DAW1: variants seen among roughly 807,000 people sequenced by gnomAD.
The protein encoded by DAW1 is dynein assembly factor with WD repeat domains 1.
A neutral mutation model predicts 56.5 loss-of-function variants in DAW1; 47 were observed. The observed-to-expected ratio is 0.83, with a 90% CI of 0.66 to 1.06. The LOEUF (loss-of-function observed/expected upper bound fraction) is 1.06, where lower values mean the gene tolerates loss of function less well. Among genes scored for constraint, DAW1 ranks in the 50% least tolerant of loss-of-function variants. DAW1 has a pLI of 0.00. For synonymous variants in DAW1, 190 were observed against 179.0 expected (o/e 1.06, Z -0.49); for missense variants, 505 against 499.3 (o/e 1.01, Z -0.11).
Position 227,917,112 on chromosome 2 carries a change from G to GTATCTATCTATC in DAW1, c.974-1646_974-1635dup, listed in dbSNP as rs57043132. On this transcript the variant is annotated intron_variant, in intron 10 of 12. Coordinates refer to ENST00000309931, the MANE Select transcript of DAW1 (RefSeq NM_178821.3). ...GTCTCCCTCATGACCATGCATGACA[G>GTATCTATCTATC]TATCTATCTATCTATCTATCTATCT... is the stretch of plus-strand genomic sequence containing the variant. Among the ~76,000 whole-genome samples, 778 of 148,472 alleles carry GTATCTATCTATC rather than the reference G, an allele frequency of 5.2e-3. 4 individuals are homozygous for GTATCTATCTATC. Among genetic ancestry groups the GTATCTATCTATC allele is most frequent in the Middle Eastern group, 6.9e-3 (2 of 288 alleles).
At chr2:227,898,008 G>A (rs1463515489) in intron 5 of DAW1, among the ~76,000 whole-genome samples, 174 bp from the exon 6 acceptor site, 4 of 151,658 alleles carry the variant, frequency 2.6e-5, no homozygotes, top group Non-Finnish European at 5.9e-5. Flanking sequence ...TGTGTAAATC[G>A]ATACCACTCA....
intron 11 of DAW1, among the ~76,000 whole-genome samples, chr2:227,919,642 C>T (rs1574675346): frequency 1.3e-5 from 2 of 152,014 alleles, no homozygotes; most frequent in African/African-American, 4.8e-5. Context: ...AACTACAAAG[C>T]TGTGTTTTAG....
At position 227,921,845 on chromosome 2, in the gene DAW1, C is replaced by T. The variant is rs111310940; in HGVS notation, c.1213+284C>T. Among the ~76,000 whole-genome samples, 1,051 of 152,208 alleles carry T rather than the reference C, an allele frequency of 6.9e-3. 17 individuals are homozygous for T. The highest frequency in any genetic ancestry group is 0.024 in the African/African-American group (1,006 of 41,522). ...CTGCCTTACAGGTTACTAAATTTCC[C>T]CAGGTGTTTTCTATCAATTGAATGG... On this transcript the variant is annotated intron_variant, in intron 12 of 12. Transcript: ENST00000309931.
At chr2:227,883,053 A>G (rs1295710515) in intron 1 of DAW1, among the ~76,000 whole-genome samples, 2 of 152,164 alleles carry the variant, frequency 1.3e-5, no homozygotes, top group African/African-American at 4.8e-5. Flanking sequence ...AGATGAACCA[A>G]CTTTTTTTCA....
intron 2 of DAW1, 105 bp downstream of exon 2, chr2:227,885,528 A>T: frequency 2.6e-6 from 2 of 772,358 alleles, no homozygotes; most frequent in Non-Finnish European, 3.9e-6. Context: ...ATTATGTTTT[A>T]AAAATTGTTC....
chr2:227,917,100 C>G (rs1691967648), intron 10 of DAW1, among the ~76,000 whole-genome samples: 1 of 151,256 alleles, frequency 6.6e-6, no homozygotes, highest in Non-Finnish European at 1.5e-5. Context: ...TCCCTCATGA[C>G]CATGCATGAC....
intron 9 of DAW1, 57 bp from the exon 10 acceptor site, chr2:227,907,081 A>G: frequency 7.6e-7 from 1 of 1,322,050 alleles, no homozygotes; most frequent in Non-Finnish European, 1.1e-6. Context: ...CCATCTTCAC[A>G]CTTCAGACAG....
At chr2:227,900,622 A>G (rs867809239) in intron 6 of DAW1, among the ~76,000 whole-genome samples, 1 of 152,196 alleles carries the variant, frequency 6.6e-6, no homozygotes, top group African/African-American at 2.4e-5. Context: ...CATTCCAGGC[A>G]GACCGAGCAG....
At chr2:227,922,140 A>G (rs1692124705) in intron 12 of DAW1, among the ~76,000 whole-genome samples, 1 of 152,212 alleles carries the variant, frequency 6.6e-6, no homozygotes. Context: ...GTGACAGAGT[A>G]AGACCCTGTC....
At chr2:227,872,981 T>G (rs1337760177) in intron 1 of DAW1, among the ~76,000 whole-genome samples, 1 of 152,318 alleles carries the variant, frequency 6.6e-6, no homozygotes, top group African/African-American at 2.4e-5. Flanking sequence ...CCTATCATGC[T>G]TAGAATACGA....
intron 6 of DAW1, among the ~76,000 whole-genome samples, chr2:227,900,706 G>A (rs1437548325): frequency 6.6e-6 from 1 of 152,144 alleles, no homozygotes; most frequent in African/African-American, 2.4e-5. Flanking sequence ...TGTGATCAGA[G>A]CAGAGCTTCC....
intron 6 of DAW1, 67 bp from the exon 7 acceptor site, chr2:227,902,935 T>C (rs769185091): frequency 1.5e-4 from 219 of 1,494,876 alleles, no homozygotes; most frequent in Non-Finnish European, 1.9e-4. Flanking sequence ...TCTGGAAGAT[T>C]TTCTGTGTAT....
chr2:227,917,178 G>A (rs866271671), intron 10 of DAW1, among the ~76,000 whole-genome samples: 16 of 133,466 alleles, frequency 1.2e-4, no homozygotes, highest in South Asian at 2.3e-4. Flanking sequence ...CTGTCTGTCT[G>A]TCTATCTATG....
chr2:227,919,940 T>A (rs922403765), intron 11 of DAW1, among the ~76,000 whole-genome samples: 1 of 152,214 alleles, frequency 6.6e-6, no homozygotes. Flanking sequence ...CAGCTGGTGA[T>A]CATTGCCCTC....
At chr2:227,889,698 C>G (rs527914367) in intron 2 of DAW1, 158 bp from the exon 3 acceptor site, 2 of 538,348 alleles carry the variant, frequency 3.7e-6, no homozygotes, top group South Asian at 7.3e-5. Context: ...GTATGATCCT[C>G]CCCGCCCCAC....
chr2:227,876,265 C>A (rs910173347), intron 1 of DAW1, among the ~76,000 whole-genome samples: 1 of 152,242 alleles, frequency 6.6e-6, no homozygotes, highest in Non-Finnish European at 1.5e-5. Flanking sequence ...CGTGATCCAC[C>A]CGCCTTGGCC....
chr2:227,917,874 T>A (rs191482142), intron 10 of DAW1, among the ~76,000 whole-genome samples: 28 of 152,310 alleles, frequency 1.8e-4, no homozygotes, highest in African/African-American at 6.5e-4. Flanking sequence ...AAAAAATTTA[T>A]TATGATATTT....
intron 4 of DAW1, 69 bp downstream of exon 4, chr2:227,891,382 C>A: frequency 1.5e-6 from 2 of 1,330,412 alleles, no homozygotes; most frequent in Non-Finnish European, 2.2e-6. Context: ...ATCAAAGATT[C>A]CAGTTAGATA....
chr2:227,894,836 C>T (rs1207007871), intron 5 of DAW1, among the ~76,000 whole-genome samples: 1 of 152,212 alleles, frequency 6.6e-6, no homozygotes, highest in Admixed American at 6.5e-5. Flanking sequence ...GCATCCTCCT[C>T]CTGCTGGTTA....
Sources: allele counts gnomAD v4.1 joint callset (sites outside exome capture counted in the v4.1 genomes callset), GRCh38; gene constraint gnomAD v4.1.1; transcripts MANE v1.5; gene names NCBI Gene and HGNC (gene_info 2026-07-23, HGNC 2026-07-21).